The following DHRS9 variants were observed in gnomAD, a reference collection of about 807,000 sequenced individuals.
The protein encoded by DHRS9 is dehydrogenase/reductase 9, also known as dehydrogenase/reductase SDR family member 9.
Under a neutral mutation model 26.6 loss-of-function variants are expected in DHRS9, and 18 were observed. The ratio of observed to expected loss-of-function variants is 0.68; its 90% CI spans 0.47 to 1.00. The LOEUF (loss-of-function observed/expected upper bound fraction) is 1.00, where lower values mean the gene tolerates loss of function less well. Among genes scored for constraint, DHRS9 ranks in the 50% least tolerant of loss-of-function variants. The pLI is 0.00. For missense variants in DHRS9, 425 were observed against 378.7 expected, an observed-to-expected ratio of 1.12 and a Z score of -1.01; for synonymous variants, 134 against 141.1, an observed-to-expected ratio of 0.95 and a Z score of 0.36.
At position 169,077,633 on chromosome 2, in the gene DHRS9, C is replaced by A. The variant is rs116187485; in HGVS notation, c.-59-3890C>A. On this transcript the variant is annotated intron_variant, in intron 1 of 4. Transcript: ENST00000674881. ...AAAAAAAAAAAGATGGGATCTTTTT[C>A]CCATCCAAATGTAGAAACCCCTGAA... Among the ~76,000 whole-genome samples the A allele has an allele frequency of 6.9e-3, 1,050 of 151,820 alleles. 12 individuals carry two copies. The highest frequency in any genetic ancestry group is 0.024 in the African/African-American group (995 of 41,400).
chr2:169,079,985 GAAAGAAAGAAAGAAAGAAAGAA>G (rs1156455845), intron 1 of DHRS9, among the ~76,000 whole-genome samples: 7 of 51,060 alleles, frequency 1.4e-4, no homozygotes, highest in African/African-American at 4.6e-4. Context: ...GAGAGAGAGA[GAAAGAAAGAAAGAAAGAAAGAA>G]AGAAAGAAAG....
chr2:169,088,644 T>C (rs552648216), intron 3 of DHRS9, among the ~76,000 whole-genome samples: 2 of 152,196 alleles, frequency 1.3e-5, no homozygotes, highest in Admixed American at 6.5e-5. Flanking sequence ...CCACTAAAAC[T>C]AAAAGAGTTT....
Position 169,077,787 on chromosome 2 carries a change from A to C in DHRS9, c.-59-3736A>C, listed in dbSNP as rs113076825. On this transcript the variant is annotated intron_variant, in intron 1 of 4. Transcript: ENST00000674881. ...CTGGTAACCCAGTTTCATGCACAGG[A>C]ACATGCATGAAACATACCCTCCTTG... Among the ~76,000 whole-genome samples the C allele has an allele frequency of 4.1e-3, 618 of 152,294 alleles. 7 individuals are homozygous for C. The highest frequency in any genetic ancestry group is 0.014 in the African/African-American group (564 of 41,554).
Position 169,081,710 on chromosome 2 carries a change from C to G in DHRS9, c.129C>G (p.Asn43Lys). The G allele has an allele frequency of 1.2e-6, 2 of 1,614,162 alleles. No homozygotes were observed. Among genetic ancestry groups the G allele is most frequent in the Non-Finnish European group, 1.7e-6 (2 of 1,180,034 alleles). ...FITGCDSGFG[N>K]LAARTFDKKG... ...CTGGATGTGACTCGGGCTTTGGAAA[C>G]TTGGCAGCCAGAACTTTTGATAAAA... The change falls in exon 2 of 5, where the codon AAC becomes AAG. Residue 43 changes from asparagine (N) to lysine (K), a missense_variant. Coordinates refer to ENST00000674881, the MANE Select transcript of DHRS9 (RefSeq NM_001376924.1).
intron 4 of DHRS9, among the ~76,000 whole-genome samples, chr2:169,093,584 G>C (rs911422152): frequency 9.2e-5 from 14 of 152,092 alleles, no homozygotes; most frequent in African/African-American, 3.4e-4. Flanking sequence ...GTTTGATATT[G>C]ATACCGATAC....
chr2:169,082,046 T>A (rs1263602359), intron 2 of DHRS9, 152 bp downstream of exon 2: 4 of 849,422 alleles, frequency 4.7e-6, no homozygotes, highest in Non-Finnish European at 5.4e-6. Context: ...GGATAGCTTC[T>A]GAGTAGTTCC....
intron 1 of DHRS9, among the ~76,000 whole-genome samples, chr2:169,076,922 T>C (rs1683979017): frequency 6.6e-6 from 1 of 152,208 alleles, no homozygotes; most frequent in African/African-American, 2.4e-5. Context: ...ATACTTACTG[T>C]TTTTTAAGTG....
At chr2:169,078,815 C>CTTTTTTTTTTTTTTTTTTTTTT (rs200691133) in intron 1 of DHRS9, among the ~76,000 whole-genome samples, 5 of 110,366 alleles carry the variant, frequency 4.5e-5, no homozygotes, top group Non-Finnish European at 7.2e-5. Context: ...TATCAACTGA[C>CTTTTTTTTTTTTTTTTTTTTTT]TTTTTTTTTT....
chr2:169,088,238 T>TG (rs1483193180), intron 3 of DHRS9, among the ~76,000 whole-genome samples: 4 of 152,176 alleles, frequency 2.6e-5, no homozygotes, highest in African/African-American at 9.7e-5. Context: ...GGCTGAGTTC[T>TG]GCCTGGTGTT....
At chr2:169,095,413 C>T (rs1343120430) in intron 4 of DHRS9, 131 bp from the exon 5 acceptor site, 1 of 751,136 alleles carries the variant, frequency 1.3e-6, no homozygotes, top group Admixed American at 2.3e-5. Flanking sequence ...AGTAAATCCT[C>T]AAAATGAGCC....
At chr2:169,079,206 AAG>A (rs1277178222) in intron 1 of DHRS9, among the ~76,000 whole-genome samples, 3 of 152,084 alleles carry the variant, frequency 2.0e-5, no homozygotes, top group Non-Finnish European at 4.4e-5. Context: ...TGGGGGAAGA[AAG>A]ATAAAAGCAG....
intron 3 of DHRS9, among the ~76,000 whole-genome samples, chr2:169,088,657 T>C (rs918182390): frequency 6.6e-6 from 1 of 152,224 alleles, no homozygotes; most frequent in Non-Finnish European, 1.5e-5. Context: ...AAGAGTTTAA[T>C]TAATTTGCGC....
upstream of DHRS9, among the ~76,000 whole-genome samples, chr2:169,067,615 G>T (rs1278727990): frequency 1.3e-5 from 2 of 152,008 alleles, no homozygotes; most frequent in African/African-American, 2.4e-5. Context: ...AACTCAAATG[G>T]CAATTTGGTT....
chr2:169,082,377 G>A (rs1240903299), intron 2 of DHRS9, among the ~76,000 whole-genome samples: 1 of 152,170 alleles, frequency 6.6e-6, no homozygotes, highest in Non-Finnish European at 1.5e-5. Context: ...ACATAGTTAA[G>A]GTAGAGTAGT....
chr2:169,068,015 T>C (rs1683694404), upstream of DHRS9, among the ~76,000 whole-genome samples: 1 of 152,252 alleles, frequency 6.6e-6, no homozygotes, highest in Non-Finnish European at 1.5e-5. Context: ...GAAACACGGC[T>C]GCACTAGGCG....
intron 3 of DHRS9, among the ~76,000 whole-genome samples, chr2:169,087,291 G>C (rs150424823): frequency 6.3e-4 from 96 of 152,238 alleles, no homozygotes; most frequent in Middle Eastern, 3.4e-3. Context: ...GTATTGCCTG[G>C]CTATGACCAA....
chr2:169,076,727 A>G (rs2105283375), intron 1 of DHRS9, among the ~76,000 whole-genome samples: 1 of 152,328 alleles, frequency 6.6e-6, no homozygotes, highest in Admixed American at 6.5e-5. Flanking sequence ...CCAGTGCCCC[A>G]TTCAGTCGAA....
chr2:169,080,227 A>T (rs146985854), intron 1 of DHRS9, among the ~76,000 whole-genome samples: 142 of 152,188 alleles, frequency 9.3e-4, no homozygotes, highest in African/African-American at 3.2e-3. Context: ...GTGGGTCAAG[A>T]TTAAGGGCAA....
intron 1 of DHRS9, among the ~76,000 whole-genome samples, chr2:169,077,469 T>C (rs2105284224): frequency 6.6e-6 from 1 of 152,340 alleles, no homozygotes; most frequent in South Asian, 2.1e-4. Flanking sequence ...TATTTTGAGA[T>C]AATTCCAACA....
Sources: gnomAD v4.1 joint callset for allele counts (sites outside exome capture counted in the v4.1 genomes callset) on GRCh38, gnomAD v4.1.1 for gene constraint, MANE v1.5 for transcripts, NCBI Gene and HGNC (gene_info 2026-07-23, HGNC 2026-07-21) for gene names.